IMMP2L: variants seen among roughly 807,000 people sequenced by gnomAD.
IMMP2L encodes the protein mitochondrial inner membrane protease subunit 2.
A neutral mutation model predicts 19.3 loss-of-function variants in IMMP2L; 18 were observed. The ratio of observed to expected loss-of-function variants is 0.93; its 90% CI spans 0.64 to 1.38. The LOEUF (loss-of-function observed/expected upper bound fraction) is 1.38, where lower values mean the gene tolerates loss of function less well. IMMP2L is among the 40% of genes most tolerant of loss of function. IMMP2L has a pLI of 0.00. For missense variants in IMMP2L, 233 were observed against 218.2 expected (o/e 1.07, Z -0.43); for synonymous variants, 76 against 73.0 (o/e 1.04, Z -0.21).
intron 3 of IMMP2L, among the ~76,000 whole-genome samples, chr7:110,985,292 T>C (rs1821739310): frequency 6.6e-6 from 1 of 152,138 alleles, no homozygotes; most frequent in Non-Finnish European, 1.5e-5. Context: ...ACAGCAGCAA[T>C]GGAAAACTAA....
chr7:110,666,986 C>T (rs143367086), intron 5 of IMMP2L, among the ~76,000 whole-genome samples: 17,324 of 152,168 alleles, frequency 0.11, 1,205 homozygotes, highest in South Asian at 0.26. Context: ...ATTCTCCTGC[C>T]TCAGCCTCCT....
At chr7:111,022,326 T>C (rs945936799) in intron 3 of IMMP2L, among the ~76,000 whole-genome samples, 1 of 152,128 alleles carries the variant, frequency 6.6e-6, no homozygotes, top group Admixed American at 6.6e-5. Flanking sequence ...ATCAGTGACA[T>C]CCTTAGAACG....
chr7:111,416,953 C>T (rs1287416864), intron 3 of IMMP2L, among the ~76,000 whole-genome samples: 5 of 151,642 alleles, frequency 3.3e-5, no homozygotes, highest in African/African-American at 9.7e-5. Flanking sequence ...CTATCCAATA[C>T]AGTAACCATA....
At chr7:111,470,558 T>G (rs1046542075) in intron 3 of IMMP2L, among the ~76,000 whole-genome samples, 34 of 151,490 alleles carry the variant, frequency 2.2e-4, no homozygotes, top group African/African-American at 7.5e-4. Flanking sequence ...AAATGATGAG[T>G]TCATGTCCTT....
At chr7:110,952,465 T>C (rs1400376401) in intron 4 of IMMP2L, among the ~76,000 whole-genome samples, 1 of 152,152 alleles carries the variant, frequency 6.6e-6, no homozygotes, top group Non-Finnish European at 1.5e-5. Context: ...AAGTGTGATC[T>C]GCTTCCTGCT....
chr7:110,743,452 TA>T (rs1289413655), intron 5 of IMMP2L, among the ~76,000 whole-genome samples: 2 of 152,246 alleles, frequency 1.3e-5, no homozygotes, highest in Non-Finnish European at 2.9e-5. Flanking sequence ...AATGTTTTTT[TA>T]AAAAAAATAA....
chr7:111,491,869 C>T (rs1015842743), intron 2 of IMMP2L, among the ~76,000 whole-genome samples: 2 of 151,984 alleles, frequency 1.3e-5, no homozygotes, highest in Non-Finnish European at 2.9e-5. Flanking sequence ...AGAAAATATT[C>T]CTATTGAACT....
chr7:111,073,059 C>G (rs1795095400), intron 3 of IMMP2L, among the ~76,000 whole-genome samples: 1 of 152,082 alleles, frequency 6.6e-6, no homozygotes, highest in Admixed American at 6.6e-5. Flanking sequence ...GATAATAGCA[C>G]TGTACTGATG....
At chr7:111,104,435 T>A (rs1798315896) in intron 3 of IMMP2L, among the ~76,000 whole-genome samples, 1 of 151,836 alleles carries the variant, frequency 6.6e-6, no homozygotes, top group Non-Finnish European at 1.5e-5. Flanking sequence ...TTGATAATGC[T>A]CCATGTTTAT....
At chr7:110,923,199 A>G (rs1043197924) in intron 4 of IMMP2L, among the ~76,000 whole-genome samples, 1 of 152,232 alleles carries the variant, frequency 6.6e-6, no homozygotes, top group Non-Finnish European at 1.5e-5. Context: ...TGATGAAGAA[A>G]CAATGAATAC....
chr7:111,334,886 C>T (rs150236885), intron 3 of IMMP2L, among the ~76,000 whole-genome samples: 260 of 152,146 alleles, frequency 1.7e-3, no homozygotes, highest in African/African-American at 5.2e-3. Context: ...AAGGTTGATT[C>T]GGGGTAATAT....
chr7:111,156,490 G>A (rs1804660428), intron 3 of IMMP2L, among the ~76,000 whole-genome samples: 2 of 151,978 alleles, frequency 1.3e-5, no homozygotes, highest in African/African-American at 2.4e-5. Context: ...TTGGGCGTTT[G>A]CATTTCTCCC....
At chr7:111,493,526 C>G (rs1036400241) in intron 2 of IMMP2L, among the ~76,000 whole-genome samples, 3 of 149,776 alleles carry the variant, frequency 2.0e-5, no homozygotes, top group Non-Finnish European at 4.4e-5. Flanking sequence ...CACGGTGAAA[C>G]CCCGTCTCTA....
intron 5 of IMMP2L, among the ~76,000 whole-genome samples, chr7:110,769,789 C>T (rs768530592): frequency 6.6e-6 from 1 of 152,076 alleles, no homozygotes; most frequent in African/African-American, 2.4e-5. Context: ...CGTTATATGA[C>T]AATACTGCTG....
rs769630589 is a variant in IMMP2L at position 110,719,044 on chromosome 7, A to T, written c.409-55323T>A. ...GCCTGTGCTCCAGAACACACAACTT[A>T]GGAAAACTCTGCCTTTAGGAAACAC... is the stretch of plus-strand genomic sequence containing the variant. On this transcript the variant is annotated intron_variant, in intron 5 of 5. Transcript: ENST00000405709. 7.9e-4 allele frequency among the ~76,000 whole-genome samples: 121 copies of T among 152,278 alleles called. 1 individual carries two copies. Among genetic ancestry groups the T allele is most frequent in the Non-Finnish European group, 1.5e-3 (101 of 68,022 alleles).
At chr7:110,907,462 C>G (rs894067395) in intron 4 of IMMP2L, among the ~76,000 whole-genome samples, 3 of 152,118 alleles carry the variant, frequency 2.0e-5, no homozygotes, top group African/African-American at 7.2e-5. Flanking sequence ...TTCTCCTCCT[C>G]TCTACTGGCT....
intron 3 of IMMP2L, among the ~76,000 whole-genome samples, chr7:111,190,916 C>T (rs537556253): frequency 1.1e-4 from 17 of 152,226 alleles, no homozygotes; most frequent in African/African-American, 3.9e-4. Flanking sequence ...TAACAGTCAT[C>T]TAAATGACAG....
intron 3 of IMMP2L, among the ~76,000 whole-genome samples, chr7:111,355,928 A>G (rs1828654798): frequency 6.6e-6 from 1 of 152,034 alleles, no homozygotes; most frequent in South Asian, 2.1e-4. Context: ...AAACTTAATG[A>G]TTCTTAAAAT....
At chr7:111,495,042 T>A (rs771337757) in intron 2 of IMMP2L, among the ~76,000 whole-genome samples, 5 of 152,128 alleles carry the variant, frequency 3.3e-5, no homozygotes, top group African/African-American at 9.7e-5. Flanking sequence ...TCCAAAAAAA[T>A]TTAATATGCA....
Sources: allele counts gnomAD v4.1 joint callset (sites outside exome capture counted in the v4.1 genomes callset), GRCh38; gene constraint gnomAD v4.1.1; transcripts MANE v1.5; gene names NCBI Gene and HGNC (gene_info 2026-07-23, HGNC 2026-07-21).